USP6NL: variants seen among roughly 807,000 people sequenced by gnomAD.
USP6NL encodes the protein USP6 N-terminal like.
In USP6NL, 26 loss-of-function variants were observed where a neutral mutation model predicts 61.9. That is an observed-to-expected ratio of 0.42 (90% CI 0.31 to 0.58). USP6NL has a LOEUF of 0.58. USP6NL is among the 20% of genes least tolerant of loss of function. The pLI, the probability that USP6NL is intolerant of heterozygous loss-of-function variation, is 0.16. For missense variants in USP6NL, 1,114 were observed against 1,034.3 expected (o/e 1.08, Z -1.06); for synonymous variants, 432 against 390.1 (o/e 1.11, Z -1.27).
In USP6NL at chr10:11,561,524, T is replaced by C. The variant is rs1188744147; in HGVS notation, c.5-33957A>G. 3.3e-5 allele frequency among the ~76,000 whole-genome samples: 5 copies of C among 152,374 alleles called. No individual in the cohort carries two copies. Among genetic ancestry groups the C allele is most frequent in the South Asian group, 2.1e-4 (1 of 4,832 alleles). ...TATCTTTCTACTCAAATATATTTCA[T>C]AGACATTTTTCCAGGTCTGTTCAGA... is the stretch of plus-strand genomic sequence containing the variant. On this transcript the variant is annotated intron_variant, in intron 2 of 14. Transcript: ENST00000609104. The surrounding 1 kb of genome is among the most constrained non-coding windows in gnomAD (Gnocchi z 4.1).
At chr10:11,471,630 G>A (rs1055555935) in intron 14 of USP6NL, among the ~76,000 whole-genome samples, 12 of 152,244 alleles carry the variant, frequency 7.9e-5, no homozygotes, top group African/African-American at 2.4e-4. Context: ...TATACACCAC[G>A]GAATACTATG....
At chr10:11,577,517 G>A (rs1837595278) in intron 2 of USP6NL, among the ~76,000 whole-genome samples, 1 of 151,646 alleles carries the variant, frequency 6.6e-6, no homozygotes. Context: ...TTGTTTTGGG[G>A]GAGGACAGAG....
chr10:11,578,007 A>C (rs1837615562), intron 2 of USP6NL, among the ~76,000 whole-genome samples: 1 of 152,062 alleles, frequency 6.6e-6, no homozygotes. Flanking sequence ...TCTGTCGTTC[A>C]GGCTGGAGTG....
Position 11,606,357 on chromosome 10 carries a change from C to A in USP6NL, c.-84+5086G>T, listed in dbSNP as rs148237788. ...ACTCTGAAGAAATACTAAATGGTAT[C>A]TTTAGGCAGAAAGATAATTATTCCA... is the stretch of plus-strand genomic sequence containing the variant. On this transcript the variant is annotated intron_variant, in intron 1 of 14. Transcript: ENST00000609104. Among the ~76,000 whole-genome samples the A allele has an allele frequency of 5.2e-3, 787 of 152,248 alleles. 7 individuals are homozygous for A. Among genetic ancestry groups the A allele is most frequent in the Middle Eastern group, 0.02 (6 of 294 alleles).
chr10:11,542,274 A>G (rs1301590983), intron 2 of USP6NL, among the ~76,000 whole-genome samples: 1 of 152,242 alleles, frequency 6.6e-6, no homozygotes, highest in Non-Finnish European at 1.5e-5. Context: ...CACATTCCTG[A>G]GGGAATCAGA....
intron 2 of USP6NL, among the ~76,000 whole-genome samples, chr10:11,557,824 C>A (rs1057347856): frequency 1.3e-5 from 2 of 152,116 alleles, no homozygotes; most frequent in Non-Finnish European, 2.9e-5. Flanking sequence ...GTTCAGTTAA[C>A]GAGATGCAGG....
chr10:11,504,239 A>G (rs935622731), intron 6 of USP6NL, among the ~76,000 whole-genome samples: 1 of 152,176 alleles, frequency 6.6e-6, no homozygotes, highest in Non-Finnish European at 1.5e-5. Context: ...TTTCTTCACA[A>G]ATTTTTAACT....
intron 2 of USP6NL, among the ~76,000 whole-genome samples, chr10:11,567,751 T>A (rs959472501): frequency 6.6e-6 from 1 of 152,184 alleles, no homozygotes; most frequent in African/African-American, 2.4e-5. Flanking sequence ...CAACAGCAGC[T>A]TACCTTTATT....
At chr10:11,527,104 TAC>T (rs1268859957) in intron 3 of USP6NL, among the ~76,000 whole-genome samples, 4 of 151,886 alleles carry the variant, frequency 2.6e-5, no homozygotes, top group Non-Finnish European at 5.9e-5. Flanking sequence ...TCGGCAGGTG[TAC>T]AGAGTGCTGA....
At chr10:11,594,854 A>G (rs1246777896) in intron 2 of USP6NL, among the ~76,000 whole-genome samples, 2 of 152,258 alleles carry the variant, frequency 1.3e-5, no homozygotes, top group Admixed American at 6.5e-5. Flanking sequence ...TAGGAATGAA[A>G]TCATCTTTTC....
At chr10:11,609,590 T>C (rs1391710506) in intron 1 of USP6NL, among the ~76,000 whole-genome samples, 1 of 152,248 alleles carries the variant, frequency 6.6e-6, no homozygotes, top group African/African-American at 2.4e-5. Flanking sequence ...TCACACTTTC[T>C]AATCAGAGTA....
intron 2 of USP6NL, among the ~76,000 whole-genome samples, chr10:11,586,038 C>T (rs1478067775): frequency 6.6e-6 from 1 of 152,154 alleles, no homozygotes; most frequent in Non-Finnish European, 1.5e-5. Flanking sequence ...CTTAACACTA[C>T]TGAACTACAC....
At chr10:11,576,577 A>G (rs1468982507) in intron 2 of USP6NL, among the ~76,000 whole-genome samples, 2 of 152,224 alleles carry the variant, frequency 1.3e-5, no homozygotes, top group Non-Finnish European at 2.9e-5. Context: ...TGAACCAGAA[A>G]GCAGGCCCCT....
At position 11,476,556 on chromosome 10, in the gene USP6NL, C is replaced by G. The variant is rs1038512880; in HGVS notation, c.1078+5214G>C. Reference sequence around the variant, plus strand: ...ACAAAAATGCTAACAATAGTTAAATCTATGAGGTGGGCATATGGGTGATCA... The same window carrying G: ...ACAAAAATGCTAACAATAGTTAAATGTATGAGGTGGGCATATGGGTGATCA... On this transcript the variant is annotated intron_variant, in intron 14 of 14. Transcript: ENST00000609104. The surrounding 1 kb of genome is among the most constrained non-coding windows in gnomAD (Gnocchi z 4.3). 5.3e-5 allele frequency among the ~76,000 whole-genome samples: 8 copies of G among 152,156 alleles called. No homozygotes were observed. Among genetic ancestry groups the G allele is most frequent in the African/African-American group, 1.9e-4 (8 of 41,418 alleles).
intron 13 of USP6NL, 97 bp downstream of exon 13, chr10:11,484,874 A>T: frequency 1.1e-6 from 1 of 946,888 alleles, no homozygotes; most frequent in Non-Finnish European, 1.5e-6. Context: ...AACCACTATT[A>T]AAAGACAATG....
chr10:11,558,793 G>C (rs1836815235), intron 2 of USP6NL, among the ~76,000 whole-genome samples: 1 of 152,116 alleles, frequency 6.6e-6, no homozygotes. Flanking sequence ...TCCCTCGTTT[G>C]CTACAAAGAG....
chr10:11,464,119 C>T (rs537670789), intron 14 of USP6NL, among the ~76,000 whole-genome samples: 15 of 152,292 alleles, frequency 9.8e-5, no homozygotes, highest in African/African-American at 3.4e-4. Flanking sequence ...CAGGAGAGTG[C>T]CAGCAAGGAG....
At chr10:11,584,987 T>C (rs1389508040) in intron 2 of USP6NL, among the ~76,000 whole-genome samples, 2 of 151,974 alleles carry the variant, frequency 1.3e-5, no homozygotes, top group African/African-American at 2.4e-5. Context: ...CCAATAAATA[T>C]ATAAAAGCTA....
At chr10:11,609,670 A>G (rs995970190) in intron 1 of USP6NL, among the ~76,000 whole-genome samples, 8 of 152,232 alleles carry the variant, frequency 5.3e-5, no homozygotes, top group African/African-American at 1.9e-4. Flanking sequence ...TTAGCTGGCT[A>G]CAAAATGTAA....
Sources: gnomAD v4.1 joint callset for allele counts (sites outside exome capture counted in the v4.1 genomes callset) on GRCh38, gnomAD v4.1.1 for gene constraint, Gnocchi (gnomAD v3.1) non-coding constraint, MANE v1.5 for transcripts, NCBI Gene and HGNC (gene_info 2026-07-23, HGNC 2026-07-21) for gene names.